Variants in RIMS2 observed in about 807,000 individuals in gnomAD.
The protein encoded by RIMS2 is regulating synaptic membrane exocytosis 2, also known as regulating synaptic membrane exocytosis protein 2.
In RIMS2, 59 loss-of-function variants were observed where a neutral mutation model predicts 174.4. The observed-to-expected ratio is 0.34, with a 90% confidence interval of 0.27 to 0.42. The LOEUF is 0.42. RIMS2 is among the 10% of genes least tolerant of loss of function. The pLI is 1.00. For missense variants in RIMS2, 1,620 were observed against 1,666.3 expected (o/e 0.97, Z 0.48); for synonymous variants, 606 against 572.5 (o/e 1.06, Z -0.84).
intron 19 of RIMS2, among the ~76,000 whole-genome samples, chr8:104,116,144 A>G (rs1185721164): frequency 1.3e-5 from 2 of 152,204 alleles, no homozygotes; most frequent in Non-Finnish European, 2.9e-5. Context: ...GCATTTCTAA[A>G]GTATTCCTGT....
chr8:103,786,191 A>G (rs1212430421), intron 3 of RIMS2, among the ~76,000 whole-genome samples: 1 of 152,030 alleles, frequency 6.6e-6, no homozygotes, highest in Admixed American at 6.5e-5. Flanking sequence ...CTAGTGGTCT[A>G]TCAATTTTGT....
At chr8:104,224,187 A>G (rs2099170730) in intron 19 of RIMS2, among the ~76,000 whole-genome samples, 2 of 152,240 alleles carry the variant, frequency 1.3e-5, no homozygotes, top group Non-Finnish European at 2.9e-5. Context: ...AGGGAAATGC[A>G]GCAGCAAAAC....
At chr8:103,523,570 T>C (rs1832702878) in intron 1 of RIMS2, among the ~76,000 whole-genome samples, 1 of 152,170 alleles carries the variant, frequency 6.6e-6, no homozygotes, top group African/African-American at 2.4e-5. Context: ...GGCTTTATTC[T>C]AATTATACTG....
chr8:104,026,379 A>G (rs190462487), intron 19 of RIMS2, among the ~76,000 whole-genome samples: 7 of 152,172 alleles, frequency 4.6e-5, no homozygotes, highest in Admixed American at 4.6e-4. Context: ...TTTCCATTTT[A>G]TTGTTTATGT....
rs146398921 is a variant in RIMS2, at chr8:103,796,051, T to C, written c.698+29514T>C. Among the ~76,000 whole-genome samples the C allele has an allele frequency of 4.2e-3, 644 of 152,252 alleles. 4 individuals carry two copies. Among genetic ancestry groups the C allele is most frequent in the African/African-American group, 0.015 (613 of 41,560 alleles). On this transcript the variant is annotated intron_variant, in intron 3 of 23. Transcript: ENST00000504942. ...ATTTTTCTAATCTTCCTCTTGATTTTATAATATGTACATATTTATGATTTT... is the reference window on the plus strand; with the variant it reads ...ATTTTTCTAATCTTCCTCTTGATTTCATAATATGTACATATTTATGATTTT...
At chr8:103,886,848 C>T (rs2099205653) in intron 4 of RIMS2, among the ~76,000 whole-genome samples, 1 of 151,626 alleles carries the variant, frequency 6.6e-6, no homozygotes, top group Non-Finnish European at 1.5e-5. Context: ...AATATTCTAT[C>T]ATAAGATTAT....
At chr8:103,761,030 T>C (rs984305334) in intron 2 of RIMS2, among the ~76,000 whole-genome samples, 6 of 152,224 alleles carry the variant, frequency 3.9e-5, no homozygotes. Context: ...TAGAATGTAG[T>C]GAATATATTA....
At chr8:103,743,937 A>G (rs1285989439) in intron 2 of RIMS2, among the ~76,000 whole-genome samples, 1 of 152,172 alleles carries the variant, frequency 6.6e-6, no homozygotes, top group East Asian at 1.9e-4. Context: ...CCTTTAGTCT[A>G]TTAATACGTT....
chr8:103,768,820 A>G (rs2098213080), intron 3 of RIMS2: 2 of 653,942 alleles, frequency 3.1e-6, no homozygotes, highest in Non-Finnish European at 5.7e-6. Flanking sequence ...GCGTCTTATT[A>G]CTCCATGTGT....
rs1302874978 is a variant in RIMS2, at chr8:103,587,447, AGAAAGAAAGAAAGAAAGAAAG to A, written c.176+86386_176+86406del. On this transcript the variant is annotated intron_variant, in intron 1 of 23. Coordinates refer to ENST00000504942, the Ensembl canonical transcript of RIMS2. ...AAGAAAGAAAGAAAGAAAGAAAGAA[AGAAAGAAAGAAAGAAAGAAAG>A]AAACTATGCACCAATATTTCTGATG... Among the ~76,000 whole-genome samples the A allele has an allele frequency of 2.0e-4, 25 of 126,602 alleles. 1 individual carries two copies. Among genetic ancestry groups the A allele is most frequent in the Middle Eastern group, 3.9e-3 (1 of 254 alleles). The allele number at this position is 126,602 out of a possible 152,430, so 83.1% of individuals were successfully genotyped here.
intron 3 of RIMS2, among the ~76,000 whole-genome samples, chr8:103,811,000 G>A (rs2098683499): frequency 6.6e-6 from 1 of 152,072 alleles, no homozygotes; most frequent in African/African-American, 2.4e-5. Context: ...GTTTCTCAAG[G>A]AATCTAGGTG....
intron 3 of RIMS2, among the ~76,000 whole-genome samples, chr8:103,861,121 C>T (rs918129828): frequency 1.4e-5 from 2 of 144,412 alleles, no homozygotes; most frequent in African/African-American, 2.6e-5. Flanking sequence ...TCAGGCCTCA[C>T]CCCCCTCCTA....
intron 19 of RIMS2, among the ~76,000 whole-genome samples, chr8:104,171,501 GTT>G (rs1491168949): frequency 7.4e-5 from 4 of 53,926 alleles, no homozygotes. Flanking sequence ...GATTTTTTTT[GTT>G]ATATATATAT....
At chr8:103,745,918 G>A (rs185056807) in intron 2 of RIMS2, among the ~76,000 whole-genome samples, 77 of 152,126 alleles carry the variant, frequency 5.1e-4, no homozygotes, top group Non-Finnish European at 8.5e-4. Context: ...TCATTTTCTT[G>A]AAAATGTCCT....
In RIMS2 at chr8:103,876,861, A is replaced by ATTT. The variant is rs200458704; in HGVS notation, c.699-8435_699-8433dup. The stretch of plus-strand genomic sequence containing the variant: ...ATGTGTATATATACACACACACACT[A>ATTT]TTTTATATATATATATATATATATA... On this transcript the variant is annotated intron_variant, in intron 3 of 23. Coordinates refer to ENST00000504942, the Ensembl canonical transcript of RIMS2. 1.5e-3 allele frequency among the ~76,000 whole-genome samples: 105 copies of ATTT among 69,272 alleles called. 1 individual carries two copies. Among genetic ancestry groups the ATTT allele is most frequent in the South Asian group, 3.6e-3 (6 of 1,652 alleles). The allele number at this position is 69,272 out of a possible 152,430, so 45.4% of individuals were successfully genotyped here. A position where few individuals can be genotyped will look rare whatever the true frequency, so the allele number is the denominator to read the frequency against.
chr8:104,080,366 T>A (rs1240464579), intron 19 of RIMS2, among the ~76,000 whole-genome samples: 1 of 152,046 alleles, frequency 6.6e-6, no homozygotes, highest in East Asian at 1.9e-4. Flanking sequence ...AGATTTGAAA[T>A]ATATTTTCTA....
At chr8:104,246,973 T>G (rs1447107185) in intron 20 of RIMS2, among the ~76,000 whole-genome samples, 2 of 140,516 alleles carry the variant, frequency 1.4e-5, no homozygotes, top group South Asian at 2.3e-4. Context: ...TGACTTCCGT[T>G]TTTGGCATAT....
intron 19 of RIMS2, among the ~76,000 whole-genome samples, chr8:104,034,883 A>G (rs2154556780): frequency 6.6e-6 from 1 of 152,246 alleles, no homozygotes; most frequent in African/African-American, 2.4e-5. Context: ...CCTTATAGTA[A>G]TTAGAAATGT....
At chr8:103,649,155 A>G (rs1212238673) in intron 1 of RIMS2, among the ~76,000 whole-genome samples, 1 of 152,138 alleles carries the variant, frequency 6.6e-6, no homozygotes, top group East Asian at 1.9e-4. Flanking sequence ...TTCCCTAAGC[A>G]TTTGATTGTC....
Sources: gnomAD v4.1 joint callset for allele counts (sites outside exome capture counted in the v4.1 genomes callset) on GRCh38, gnomAD v4.1.1 for gene constraint, MANE v1.5 for transcripts, NCBI Gene and HGNC (gene_info 2026-07-23, HGNC 2026-07-21) for gene names.